The following NUDT3 variants were observed in gnomAD, a reference collection of about 807,000 sequenced individuals.
NUDT3 encodes the protein nudix hydrolase 3.
In NUDT3, 9 loss-of-function variants were observed where a neutral mutation model predicts 23.6. The observed-to-expected ratio is 0.38, with a 90% CI of 0.23 to 0.66. The LOEUF (loss-of-function observed/expected upper bound fraction) is 0.66, where lower values mean the gene tolerates loss of function less well. NUDT3 is among the 30% of genes least tolerant of loss of function. NUDT3 has a pLI of 0.52. For synonymous variants in NUDT3, 86 were observed against 82.6 expected (o/e 1.04, Z -0.22); for missense variants, 172 against 218.5 (o/e 0.79, Z 1.34).
intron 1 of NUDT3, among the ~76,000 whole-genome samples, chr6:34,381,888 C>T (rs370644735): frequency 1.1e-4 from 16 of 151,694 alleles, no homozygotes; most frequent in African/African-American, 3.4e-4. Flanking sequence ...GCCTGGCCAA[C>T]ATGGTGAAAC....
intron 1 of NUDT3, among the ~76,000 whole-genome samples, chr6:34,369,539 T>C (rs147222001): frequency 1.5e-3 from 233 of 152,194 alleles, no homozygotes; most frequent in Non-Finnish European, 2.7e-3. Context: ...AGGGGTCTTG[T>C]AAACAGGTAA....
intron 2 of NUDT3, among the ~76,000 whole-genome samples, chr6:34,330,049 T>C (rs146006561): frequency 2.6e-3 from 402 of 152,378 alleles, no homozygotes; most frequent in African/African-American, 8.9e-3. Context: ...CAGTCTATCA[T>C]TGACGGACAT....
intron 1 of NUDT3, among the ~76,000 whole-genome samples, chr6:34,367,890 A>G (rs1561920742): frequency 1.3e-5 from 2 of 152,186 alleles, no homozygotes; most frequent in African/African-American, 4.8e-5. Flanking sequence ...CAGGACTGCC[A>G]GAAGAATGGA....
chr6:34,302,762 A>T (rs1763619286), intron 2 of NUDT3, among the ~76,000 whole-genome samples: 1 of 152,110 alleles, frequency 6.6e-6, no homozygotes, highest in South Asian at 2.1e-4. Flanking sequence ...ACAAAAAAAC[A>T]CATCCCTATT....
At position 34,288,230 on chromosome 6, in the gene NUDT3, A is replaced by C. The variant is rs1763362220; in HGVS notation, c.*523T>G. On this transcript the variant is annotated 3_prime_UTR_variant, in exon 5 of 5. Transcript: ENST00000607016. ...AATTAAACAAATTTCTCTTTCTAGAAGTCATTTATTTACATATTATATGTC... is the reference window on the plus strand; with the variant it reads ...AATTAAACAAATTTCTCTTTCTAGACGTCATTTATTTACATATTATATGTC... The C allele has an allele frequency of 6.6e-6, 1 of 152,244 alleles. No homozygotes were observed. Among genetic ancestry groups the C allele is most frequent in the African/African-American group, 2.4e-5 (1 of 41,458 alleles). The allele number at this position is 152,244 out of a possible 1,614,324, so 9.4% of individuals were successfully genotyped here.
At chr6:34,323,703 T>A (rs1447404246) in intron 2 of NUDT3, among the ~76,000 whole-genome samples, 1 of 152,196 alleles carries the variant, frequency 6.6e-6, no homozygotes, top group Non-Finnish European at 1.5e-5. Flanking sequence ...ATCTACAACT[T>A]TACATTCAAA....
In NUDT3 at chr6:34,284,131, C is replaced by T. The variant is rs1763309039; in HGVS notation, c.*4622G>A. ...TGCCACCTCAACTGAGCAGTATGAA[C>T]TGCCCACCTCAACTGGGCAGTCTGA... On this transcript the variant is annotated 3_prime_UTR_variant, in exon 5 of 5. Coordinates refer to ENST00000607016, the MANE Select transcript of NUDT3 (RefSeq NM_006703.4). 1 of 152,222 alleles carries T rather than the reference C, an allele frequency of 6.6e-6. No homozygotes were observed. The highest frequency in any genetic ancestry group is 6.5e-5 in the Admixed American group (1 of 15,278). The allele number at this position is 152,222 out of a possible 1,614,324, so 9.4% of individuals were successfully genotyped here.
chr6:34,368,171 A>G (rs1043723424), intron 1 of NUDT3, among the ~76,000 whole-genome samples: 1 of 152,262 alleles, frequency 6.6e-6, no homozygotes, highest in Non-Finnish European at 1.5e-5. Context: ...ACTGCACTCC[A>G]GCCTGGGCGA....
Position 34,288,711 on chromosome 6 carries a change from GTCTAGTTTCCAATT to G in NUDT3, c.*28_*41del. 6.3e-7 allele frequency: 1 copy of G among 1,582,776 alleles called. No homozygotes were observed. Among genetic ancestry groups the G allele is most frequent in the South Asian group, 1.2e-5 (1 of 86,044 alleles). On this transcript the variant is annotated 3_prime_UTR_variant, in exon 5 of 5. Coordinates refer to ENST00000607016, the MANE Select transcript of NUDT3 (RefSeq NM_006703.4). ...GGTGAGAGGGAAGATTTGCACTTCA[GTCTAGTTTCCAATT>G]TCCATTTCTCTTACAGGAAGTCTTC...
intron 2 of NUDT3, among the ~76,000 whole-genome samples, chr6:34,321,236 A>C (rs1763937186): frequency 6.6e-6 from 1 of 152,002 alleles, no homozygotes; most frequent in Non-Finnish European, 1.5e-5. Flanking sequence ...TCAGGAGTTC[A>C]AGACCAGCCT....
Position 34,293,144 on chromosome 6 carries a change from C to T in NUDT3, c.340+307G>A, listed in dbSNP as rs540562089. Among the ~76,000 whole-genome samples, 15 of 152,204 alleles carry T rather than the reference C, an allele frequency of 9.9e-5. No individual in the cohort carries two copies. The South Asian group carries it at 2.5e-3, about 25-fold the overall frequency. ...GTGGCATGATTATGGCTCAATGTGA[C>T]CTCAAACTCCCAAGCACAAATGATC... On this transcript the variant is annotated intron_variant, in intron 4 of 4. Transcript: ENST00000607016.
intron 1 of NUDT3, among the ~76,000 whole-genome samples, chr6:34,366,454 G>A (rs954136056): frequency 1.6e-5 from 2 of 124,270 alleles, no homozygotes; most frequent in African/African-American, 6.1e-5. Context: ...AGGAGAGAGA[G>A]AGAGAAAGAG....
chr6:34,366,473 A>AAGGGAAGGG (rs1554157826), intron 1 of NUDT3, among the ~76,000 whole-genome samples: 4 of 29,782 alleles, frequency 1.3e-4, no homozygotes, highest in African/African-American at 5.8e-4. Flanking sequence ...AGAGAGAGGG[A>AAGGGAAGGG]AGGGAGGGAG....
intron 1 of NUDT3, among the ~76,000 whole-genome samples, chr6:34,371,050 G>A (rs1323362921): frequency 6.6e-6 from 1 of 151,874 alleles, no homozygotes; most frequent in African/African-American, 2.4e-5. Flanking sequence ...GGCAGAGGTT[G>A]CAGTGAACCG....
At chr6:34,327,291 G>A (rs1764053257) in intron 2 of NUDT3, among the ~76,000 whole-genome samples, 1 of 151,994 alleles carries the variant, frequency 6.6e-6, no homozygotes, top group African/African-American at 2.4e-5. Context: ...AGCACTTTGG[G>A]AGGCCGAGGC....
At chr6:34,384,372 C>G (rs1161323080) in intron 1 of NUDT3, among the ~76,000 whole-genome samples, 1 of 152,214 alleles carries the variant, frequency 6.6e-6, no homozygotes, top group East Asian at 1.9e-4. Flanking sequence ...ACAGGGAAAT[C>G]TAACTCACAC....
At chr6:34,293,196 G>A (rs974272678) in intron 4 of NUDT3, among the ~76,000 whole-genome samples, 41 of 152,186 alleles carry the variant, frequency 2.7e-4, no homozygotes, top group African/African-American at 8.7e-4. Flanking sequence ...CTGAGAAGCT[G>A]CGACCACAGG....
At chr6:34,289,101 T>C (rs1763379107) in intron 4 of NUDT3, among the ~76,000 whole-genome samples, 170 bp from the exon 5 acceptor site, 1 of 152,360 alleles carries the variant, frequency 6.6e-6, no homozygotes, top group Non-Finnish European at 1.5e-5. Flanking sequence ...CAATGTCTAA[T>C]GCAGAAAGGT....
intron 1 of NUDT3, among the ~76,000 whole-genome samples, chr6:34,368,578 T>C (rs1035282784): frequency 2.0e-5 from 3 of 152,198 alleles, no homozygotes; most frequent in Non-Finnish European, 4.4e-5. Context: ...AATTTTCAAC[T>C]GGTGGCTCAC....
Sources: allele counts gnomAD v4.1 joint callset (sites outside exome capture counted in the v4.1 genomes callset), GRCh38; gene constraint gnomAD v4.1.1; transcripts MANE v1.5; gene names NCBI Gene and HGNC (gene_info 2026-07-23, HGNC 2026-07-21).